NCAM2: variants seen among roughly 807,000 people sequenced by gnomAD.
NCAM2 encodes the protein neural cell adhesion molecule 2.
A neutral mutation model predicts 98.1 loss-of-function variants in NCAM2; 30 were observed. That is an observed-to-expected ratio of 0.31 (90% CI 0.23 to 0.41). The LOEUF is 0.41. Ranked by LOEUF, NCAM2 falls within the 10% of genes least tolerant of loss-of-function variation. The pLI is 1.00. For missense variants in NCAM2, 867 were observed against 1,005.8 expected (o/e 0.86, Z 1.87); for synonymous variants, 368 against 342.4 (o/e 1.07, Z -0.83).
chr21:21,331,517 C>CTCTCTCTCTCTCTCTATATATATA (rs1483062198), intron 6 of NCAM2, among the ~76,000 whole-genome samples: 6 of 6,938 alleles, frequency 8.6e-4, no homozygotes, highest in East Asian at 4.5e-3. Context: ...CTCTCTCTCT[C>CTCTCTCTCTCTCTCTATATATATA]TATATATATA....
chr21:21,383,705 C>G (rs2076206075), intron 9 of NCAM2, among the ~76,000 whole-genome samples: 1 of 151,982 alleles, frequency 6.6e-6, no homozygotes, highest in African/African-American at 2.4e-5. Flanking sequence ...TTTATATATT[C>G]TACTTCTAGT....
chr21:21,093,393 G>A (rs550388692), intron 1 of NCAM2, among the ~76,000 whole-genome samples: 2 of 152,074 alleles, frequency 1.3e-5, no homozygotes, highest in South Asian at 2.1e-4. Context: ...CAAACCTCTC[G>A]TCTTCTAACA....
At chr21:21,436,086 T>C (rs139827807) in intron 12 of NCAM2, among the ~76,000 whole-genome samples, 200 of 152,326 alleles carry the variant, frequency 1.3e-3, no homozygotes, top group African/African-American at 4.7e-3. Flanking sequence ...AAGATATTCA[T>C]CAGAATAACA....
At chr21:21,219,709 TAAAA>T (rs1331128603) in intron 1 of NCAM2, among the ~76,000 whole-genome samples, 1 of 152,180 alleles carries the variant, frequency 6.6e-6, no homozygotes, top group Non-Finnish European at 1.5e-5. Context: ...TTCTACTTGT[TAAAA>T]AAAGTTAACT....
At chr21:21,031,514 A>G (rs2064681387) in intron 1 of NCAM2, among the ~76,000 whole-genome samples, 3 of 152,290 alleles carry the variant, frequency 2.0e-5, no homozygotes, top group South Asian at 2.1e-4. Flanking sequence ...TTGCCTGTGC[A>G]GGTTCATGTG....
intron 1 of NCAM2, among the ~76,000 whole-genome samples, chr21:21,229,922 G>T (rs1289702164): frequency 6.6e-6 from 1 of 151,316 alleles, no homozygotes; most frequent in South Asian, 2.1e-4. Context: ...ATTAAGTCTT[G>T]TATAAAATCA....
At chr21:21,510,239 A>G (rs1177580101) in intron 16 of NCAM2, among the ~76,000 whole-genome samples, 1 of 152,144 alleles carries the variant, frequency 6.6e-6, no homozygotes, top group Non-Finnish European at 1.5e-5. Context: ...TTTCAGTTGA[A>G]GAGTTTTGAC....
At chr21:21,363,131 C>G (rs538339260) in intron 8 of NCAM2, among the ~76,000 whole-genome samples, 71 of 152,118 alleles carry the variant, frequency 4.7e-4, no homozygotes, top group African/African-American at 1.7e-3. Flanking sequence ...TGTTTATAAA[C>G]TAGAATCTCT....
At chr21:21,356,930 C>A (rs1313608340) in intron 8 of NCAM2, among the ~76,000 whole-genome samples, 1 of 151,858 alleles carries the variant, frequency 6.6e-6, no homozygotes, top group African/African-American at 2.4e-5. Context: ...GCGGAGGTTG[C>A]AGGAGCCAAG....
Position 21,076,116 on chromosome 21 carries a change from CA to C in NCAM2, c.55+77512del, listed in dbSNP as rs565676221. Among the ~76,000 whole-genome samples, 720 of 121,276 alleles carry C rather than the reference CA, an allele frequency of 5.9e-3. 4 individuals are homozygous for C. The highest frequency in any genetic ancestry group is 0.012 in the African/African-American group (421 of 34,648). The allele number at this position is 121,276 out of a possible 152,430, so 79.6% of individuals were successfully genotyped here. A position where few individuals can be genotyped will look rare whatever the true frequency, so the allele number is the denominator to read the frequency against. Reference sequence around the variant, plus strand: ...TGAGCGACAGAGTGAGACCCCATCTCAAAAAAAAAAAAAAGAATATGACCAT... The same window carrying C: ...TGAGCGACAGAGTGAGACCCCATCTCAAAAAAAAAAAAAGAATATGACCAT... On this transcript the variant is annotated intron_variant, in intron 1 of 17. Transcript: ENST00000400546.
intron 2 of NCAM2, among the ~76,000 whole-genome samples, chr21:21,283,380 C>T (rs1027077249): frequency 2.6e-5 from 4 of 151,882 alleles, no homozygotes; most frequent in Admixed American, 2.6e-4. Flanking sequence ...AGGTGAAATA[C>T]ATCCTTTTGG....
chr21:21,399,143 A>G (rs1444517538), intron 9 of NCAM2, among the ~76,000 whole-genome samples: 4 of 152,190 alleles, frequency 2.6e-5, no homozygotes, highest in Admixed American at 2.6e-4. Context: ...TGCTTCCATA[A>G]ATATTTAATG....
intron 9 of NCAM2, among the ~76,000 whole-genome samples, chr21:21,406,851 CA>C (rs906168025): frequency 1.3e-5 from 2 of 151,888 alleles, no homozygotes; most frequent in African/African-American, 4.8e-5. Context: ...AATCCTAAGC[CA>C]AAAAAATGCA....
At chr21:21,426,490 A>G (rs2077216660) in intron 11 of NCAM2, among the ~76,000 whole-genome samples, 1 of 152,208 alleles carries the variant, frequency 6.6e-6, no homozygotes, top group Non-Finnish European at 1.5e-5. Flanking sequence ...CTGGAAAGGC[A>G]GAGAAAAGAC....
chr21:21,469,100 G>C (rs1984096121), intron 14 of NCAM2, among the ~76,000 whole-genome samples: 1 of 151,836 alleles, frequency 6.6e-6, no homozygotes. Context: ...TTTGATATTA[G>C]TAACTTCAGG....
chr21:21,445,589 G>C (rs2146101107), intron 12 of NCAM2, among the ~76,000 whole-genome samples: 1 of 152,038 alleles, frequency 6.6e-6, no homozygotes, highest in Admixed American at 6.6e-5. Context: ...ATTATGTAAG[G>C]CCCTTCTTTT....
chr21:21,002,764 G>A (rs891180155), intron 1 of NCAM2, among the ~76,000 whole-genome samples: 5 of 151,986 alleles, frequency 3.3e-5, no homozygotes, highest in African/African-American at 1.2e-4. Flanking sequence ...GTTGATATGT[G>A]CAAAATTAAT....
At chr21:21,426,775 A>G (rs1294977108) in intron 11 of NCAM2, among the ~76,000 whole-genome samples, 2 of 152,130 alleles carry the variant, frequency 1.3e-5, no homozygotes, top group African/African-American at 4.8e-5. Context: ...CAGCATTCTA[A>G]ACTGTATACA....
chr21:21,293,759 A>G (rs1354610995), intron 5 of NCAM2, among the ~76,000 whole-genome samples: 1 of 151,822 alleles, frequency 6.6e-6, no homozygotes, highest in Non-Finnish European at 1.5e-5. Context: ...TTTGTTAATT[A>G]TTGAATTGTC....
Sources: allele counts gnomAD v4.1 joint callset (sites outside exome capture counted in the v4.1 genomes callset), GRCh38; gene constraint gnomAD v4.1.1; transcripts MANE v1.5; gene names NCBI Gene and HGNC (gene_info 2026-07-23, HGNC 2026-07-21).